LMCD1: variants seen among roughly 807,000 people sequenced by gnomAD.
LMCD1 encodes the protein LIM and cysteine-rich domains protein 1.
A neutral mutation model predicts 42.7 loss-of-function variants in LMCD1; 32 were observed. The ratio of observed to expected loss-of-function variants is 0.75; its 90% confidence interval spans 0.57 to 1.01. The LOEUF (loss-of-function observed/expected upper bound fraction) is 1.01, where lower values mean the gene tolerates loss of function less well. Among genes scored for constraint, LMCD1 ranks in the 50% least tolerant of loss-of-function variants. The probability of loss-of-function intolerance (pLI) is 0.00; values close to 1 mark genes in which losing one functional copy is unlikely to be tolerated. For synonymous variants in LMCD1, 178 were observed against 184.9 expected (o/e 0.96, Z 0.30); for missense variants, 458 against 483.1 (o/e 0.95, Z 0.49).
chr3:8,564,668 C>T (rs1456138433), intron 4 of LMCD1, among the ~76,000 whole-genome samples: 2 of 152,128 alleles, frequency 1.3e-5, no homozygotes, highest in Non-Finnish European at 2.9e-5. Context: ...TTAATGTAAA[C>T]AAATATGAAA....
intron 3 of LMCD1, among the ~76,000 whole-genome samples, chr3:8,539,363 T>G (rs1694573925): frequency 6.6e-6 from 1 of 152,202 alleles, no homozygotes; most frequent in South Asian, 2.1e-4. Context: ...TTGTTTTACA[T>G]GTAAGGAAAC....
chr3:8,554,052 T>A (rs1428763597), intron 4 of LMCD1, among the ~76,000 whole-genome samples: 2 of 152,136 alleles, frequency 1.3e-5, no homozygotes, highest in Non-Finnish European at 2.9e-5. Flanking sequence ...TCTTTATTTT[T>A]ATTTTTTTAG....
intron 1 of LMCD1, among the ~76,000 whole-genome samples, chr3:8,502,282 A>G (rs1307038): frequency 2.2e-5 from 1 of 46,296 alleles, no homozygotes; most frequent in Admixed American, 3.4e-4. Flanking sequence ...TATATAAAAT[A>G]TATATAATAT....
Position 8,565,580 on chromosome 3 carries a change from A to C in LMCD1, c.872A>C (p.Asp291Ala). 6.2e-7 allele frequency: 1 copy of C among 1,613,494 alleles called. No individual in the cohort carries two copies. Among genetic ancestry groups the C allele is most frequent in the Non-Finnish European group, 8.5e-7 (1 of 1,179,804 alleles). Residue 291 changes from aspartate (D) to alanine (A), a missense_variant, in exon 5 of 6, where the codon GAT becomes GCT. Transcript: ENST00000157600. ...GTGGACCTCATCTACTTCTGGAAGG[A>C]TGGTGCACCCTGGTGCGGCCGCCAT... Reference protein sequence around the residue: ...PLVDLIYFWKDGAPWCGRHYC... With the variant: ...PLVDLIYFWKAGAPWCGRHYC...
intron 3 of LMCD1, among the ~76,000 whole-genome samples, chr3:8,538,798 C>T (rs749251745): frequency 6.7e-6 from 1 of 149,420 alleles, no homozygotes; most frequent in Admixed American, 6.6e-5. Context: ...GGCAGACACC[C>T]TGCCTGTCCT....
chr3:8,537,436 A>AACTG lies in LMCD1; in HGVS notation c.384_387dup (p.Gly130ThrfsTer37). Reference sequence around the variant, plus strand: ...TGGGCTCCCCCTGGAGTCACCCAGAAACTGGTAAGAGAGCTTCCCCAACCA... The same window carrying AACTG: ...TGGGCTCCCCCTGGAGTCACCCAGAAACTGACTGGTAAGAGAGCTTCCCCAACCA... On this transcript the variant is annotated frameshift_variant, in exon 3 of 6. Coordinates refer to ENST00000157600, the MANE Select transcript of LMCD1 (RefSeq NM_014583.4). LOFTEE classifies it high-confidence loss of function. 6.3e-7 allele frequency: 1 copy of AACTG among 1,576,986 alleles called. No individual in the cohort carries two copies.
At chr3:8,561,328 T>C (rs1574975636) in intron 4 of LMCD1, among the ~76,000 whole-genome samples, 1 of 150,670 alleles carries the variant, frequency 6.6e-6, no homozygotes, top group East Asian at 1.9e-4. Flanking sequence ...AGAAAACAAC[T>C]TTCCATGGGT....
intron 4 of LMCD1, among the ~76,000 whole-genome samples, chr3:8,552,885 G>A (rs1263221934): frequency 4.6e-5 from 7 of 152,086 alleles, no homozygotes; most frequent in Non-Finnish European, 7.3e-5. Flanking sequence ...CACCATGCCC[G>A]GCTAATTTTT....
intron 4 of LMCD1, among the ~76,000 whole-genome samples, chr3:8,564,490 T>G (rs1047726173): frequency 2.6e-5 from 4 of 152,116 alleles, no homozygotes; most frequent in African/African-American, 7.2e-5. Context: ...CAGGCTGGTC[T>G]CAAACTCCTG....
In LMCD1 at chr3:8,537,298, C is replaced by T; in HGVS notation, c.245C>T (p.Thr82Ile). 1.9e-6 allele frequency: 3 copies of T among 1,614,140 alleles called. No individual in the cohort carries two copies. Among genetic ancestry groups the T allele is most frequent in the Non-Finnish European group, 1.7e-6 (2 of 1,180,022 alleles). Residue 82 changes from threonine to isoleucine, a missense_variant, in exon 3 of 6, where the codon ACT (threonine) becomes ATT (isoleucine). By Grantham distance (89) the Thr-to-Ile change is moderately conservative. Transcript: ENST00000157600. ...ATGGACTCCAAGTATTCCACCCTCA[C>T]TGCTCGGGTGAAAGGCGGGGACGGC... ...LLMDSKYSTL[T>I]ARVKGGDGIR...
At chr3:8,512,477 A>G (rs1324199374) in intron 1 of LMCD1, among the ~76,000 whole-genome samples, 1 of 152,258 alleles carries the variant, frequency 6.6e-6, no homozygotes, top group Non-Finnish European at 1.5e-5. Flanking sequence ...CCTGGCAATT[A>G]TCTGAAAAAT....
At chr3:8,558,321 T>C (rs1694964597) in intron 4 of LMCD1, among the ~76,000 whole-genome samples, 1 of 152,250 alleles carries the variant, frequency 6.6e-6, no homozygotes, top group Non-Finnish European at 1.5e-5. Flanking sequence ...TTCCTCAGCT[T>C]TCTTGAGGCA....
intron 3 of LMCD1, 162 bp downstream of exon 3, chr3:8,537,602 G>C (rs1694536887): frequency 1.3e-6 from 1 of 746,340 alleles, no homozygotes; most frequent in African/African-American, 1.8e-5. Context: ...ATGTGATGTT[G>C]AGAAATGAAG....
In LMCD1 at chr3:8,514,481, C is replaced by G. The variant is rs1694062926; in HGVS notation, c.42+12501C>G. ...ATCTAAAAAGTTAAATATATATCCA[C>G]TTTGTATTCCAACAATTACACTTCT... On this transcript the variant is annotated intron_variant, in intron 1 of 5. Coordinates refer to ENST00000157600, the MANE Select transcript of LMCD1 (RefSeq NM_014583.4). Among the ~76,000 whole-genome samples the G allele has an allele frequency of 2.0e-5, 3 of 152,130 alleles. No homozygotes were observed. In the South Asian group the frequency reaches 6.2e-4, roughly 32 times the overall value.
At chr3:8,520,540 A>G (rs1451395746) in intron 1 of LMCD1, among the ~76,000 whole-genome samples, 2 of 152,180 alleles carry the variant, frequency 1.3e-5, no homozygotes, top group African/African-American at 2.4e-5. Context: ...ATTTTCTTCT[A>G]TCTTGATTTC....
chr3:8,552,488 AG>A (rs1464032099), intron 4 of LMCD1, among the ~76,000 whole-genome samples: 4 of 152,182 alleles, frequency 2.6e-5, no homozygotes, highest in Non-Finnish European at 5.9e-5. Context: ...CAACTCCAGA[AG>A]GCTGGGTCCC....
intron 1 of LMCD1, among the ~76,000 whole-genome samples, chr3:8,510,866 A>G (rs1693982718): frequency 6.6e-6 from 1 of 152,344 alleles, no homozygotes; most frequent in East Asian, 1.9e-4. Flanking sequence ...CTCATGTCAG[A>G]TAGACAAAGA....
chr3:8,556,363 G>A (rs1694933353), intron 4 of LMCD1, among the ~76,000 whole-genome samples: 1 of 151,886 alleles, frequency 6.6e-6, no homozygotes, highest in Non-Finnish European at 1.5e-5. Context: ...AGTGTTTCAG[G>A]AGTAGTAAAT....
At chr3:8,537,131 G>A (rs1213777379) in intron 2 of LMCD1, 54 bp from the exon 3 acceptor site, 2 of 1,579,250 alleles carry the variant, frequency 1.3e-6, no homozygotes, top group African/African-American at 1.3e-5. Flanking sequence ...GCAGGAGAAT[G>A]TGCCTCTTTT....
Sources: allele counts gnomAD v4.1 joint callset (sites outside exome capture counted in the v4.1 genomes callset), GRCh38; gene constraint gnomAD v4.1.1; transcripts MANE v1.5; gene names NCBI Gene and HGNC (gene_info 2026-07-23, HGNC 2026-07-21).